ADAMTSL1: variants seen among roughly 807,000 people sequenced by gnomAD.
ADAMTSL1 encodes the protein ADAMTS-like protein 1.
In ADAMTSL1, 126 loss-of-function variants were observed where a neutral mutation model predicts 201.8. The ratio of observed to expected loss-of-function variants is 0.62; its 90% confidence interval spans 0.54 to 0.72. The LOEUF (loss-of-function observed/expected upper bound fraction) is 0.72. ADAMTSL1 is among the 30% of genes least tolerant of loss of function. The pLI is 0.00. For synonymous variants in ADAMTSL1, 1,121 were observed against 903.4 expected (o/e 1.24, Z -4.32); for missense variants, 2,679 against 2,277.8 (o/e 1.18, Z -3.59).
intron 23 of ADAMTSL1, among the ~76,000 whole-genome samples, chr9:18,867,534 C>T (rs1297345811): frequency 2.0e-5 from 3 of 152,200 alleles, no homozygotes; most frequent in Admixed American, 6.5e-5. Flanking sequence ...CTAATCACCA[C>T]CTTCTGCCAT....
chr9:18,662,140 A>G, intron 9 of ADAMTSL1, 67 bp downstream of exon 9: 1 of 1,541,318 alleles, frequency 6.5e-7, no homozygotes, highest in Non-Finnish European at 8.8e-7. Flanking sequence ...TATTTAAATT[A>G]AAATGAAACG....
At chr9:18,458,312 C>T (rs1185041459) in intron 2 of ADAMTSL1, among the ~76,000 whole-genome samples, 1 of 152,124 alleles carries the variant, frequency 6.6e-6, no homozygotes, top group African/African-American at 2.4e-5. Flanking sequence ...AAAGTTTCAC[C>T]AAACAATACA....
At chr9:18,511,369 A>G (rs544664726) in intron 2 of ADAMTSL1, among the ~76,000 whole-genome samples, 14 of 151,948 alleles carry the variant, frequency 9.2e-5, no homozygotes, top group African/African-American at 2.9e-4. Flanking sequence ...ATCTATCCAA[A>G]TAGCAAAAAA....
At chr9:18,154,667 C>T (rs549483668) in intron 1 of ADAMTSL1, among the ~76,000 whole-genome samples, 8 of 152,090 alleles carry the variant, frequency 5.3e-5, no homozygotes, top group African/African-American at 1.7e-4. Context: ...TCTCTTCCCC[C>T]GAGGAATACA....
intron 1 of ADAMTSL1, among the ~76,000 whole-genome samples, chr9:18,125,330 A>G (rs1258336394): frequency 2.6e-5 from 4 of 152,064 alleles, no homozygotes; most frequent in Admixed American, 6.5e-5. Context: ...CCACCCCCAT[A>G]ATTCAATCAC....
intron 2 of ADAMTSL1, among the ~76,000 whole-genome samples, chr9:18,224,279 C>CT (rs1830365216): frequency 6.6e-6 from 1 of 152,148 alleles, no homozygotes; most frequent in Non-Finnish European, 1.5e-5. Context: ...CTGGTCTCTG[C>CT]TTTCAAGATG....
intron 1 of ADAMTSL1, among the ~76,000 whole-genome samples, chr9:17,972,491 A>G (rs1818250122): frequency 6.6e-6 from 1 of 151,180 alleles, no homozygotes; most frequent in Non-Finnish European, 1.5e-5. Context: ...AAGGACATGA[A>G]CTCATCATTT....
intron 15 of ADAMTSL1, among the ~76,000 whole-genome samples, chr9:18,735,755 T>A (rs1259965137): frequency 6.8e-6 from 1 of 148,042 alleles, no homozygotes; most frequent in Non-Finnish European, 1.5e-5. Context: ...TTTCTTTTTT[T>A]TTTTTTTTTT....
At chr9:18,895,949 A>T (rs528089939) in intron 26 of ADAMTSL1, among the ~76,000 whole-genome samples, 20 of 152,344 alleles carry the variant, frequency 1.3e-4, no homozygotes, top group African/African-American at 4.8e-4. Context: ...GGGAGCTGAA[A>T]GTACTAGAAC....
intron 2 of ADAMTSL1, among the ~76,000 whole-genome samples, chr9:18,300,089 GACT>G (rs1833642146): frequency 6.6e-6 from 1 of 152,178 alleles, no homozygotes; most frequent in Non-Finnish European, 1.5e-5. Flanking sequence ...AATACCATTT[GACT>G]CAGCAATCCC....
intron 2 of ADAMTSL1, among the ~76,000 whole-genome samples, chr9:18,402,396 T>C (rs1818020013): frequency 6.6e-6 from 1 of 152,234 alleles, no homozygotes; most frequent in African/African-American, 2.4e-5. Flanking sequence ...CTTTAAATGA[T>C]GAATTAAAGC....
At chr9:18,359,149 A>G (rs1029309387) in intron 2 of ADAMTSL1, among the ~76,000 whole-genome samples, 4 of 152,198 alleles carry the variant, frequency 2.6e-5, no homozygotes, top group African/African-American at 9.6e-5. Flanking sequence ...ATATGCATGC[A>G]CATGCTGGGC....
chr9:18,115,141 A>G (rs536383155), intron 1 of ADAMTSL1, among the ~76,000 whole-genome samples: 2 of 152,318 alleles, frequency 1.3e-5, no homozygotes, highest in South Asian at 4.1e-4. Context: ...ACAGATTTCC[A>G]TCAATTCAAA....
intron 22 of ADAMTSL1, among the ~76,000 whole-genome samples, chr9:18,827,176 A>AT (rs1824629475): frequency 6.7e-6 from 1 of 149,818 alleles, no homozygotes; most frequent in African/African-American, 2.5e-5. Flanking sequence ...AAAAAAAAAA[A>AT]ATTTTTTTTG....
chr9:18,038,568 GC>G (rs1821303062), intron 1 of ADAMTSL1, among the ~76,000 whole-genome samples: 1 of 152,108 alleles, frequency 6.6e-6, no homozygotes, highest in African/African-American at 2.4e-5. Context: ...CTGCTATTTT[GC>G]CTAAAGGATT....
At chr9:18,439,567 A>G (rs374093631) in intron 2 of ADAMTSL1, among the ~76,000 whole-genome samples, 1 of 152,158 alleles carries the variant, frequency 6.6e-6, no homozygotes, top group Non-Finnish European at 1.5e-5. Context: ...GGATTTCACC[A>G]TGTTCGCCAG....
intron 1 of ADAMTSL1, among the ~76,000 whole-genome samples, chr9:17,989,313 AT>A (rs1303416928): frequency 3.0e-5 from 4 of 132,360 alleles, no homozygotes; most frequent in African/African-American, 1.7e-4. Context: ...TTGTAACTTT[AT>A]TTATTTAATA....
At chr9:18,312,545 C>T (rs537208313) in intron 2 of ADAMTSL1, among the ~76,000 whole-genome samples, 7 of 152,278 alleles carry the variant, frequency 4.6e-5, no homozygotes, top group African/African-American at 1.7e-4. Context: ...CATAACTTCA[C>T]CTGAGGTAGC....
At chr9:18,022,652 G>C (rs944931498) in intron 1 of ADAMTSL1, among the ~76,000 whole-genome samples, 1 of 152,026 alleles carries the variant, frequency 6.6e-6, no homozygotes, top group Non-Finnish European at 1.5e-5. Context: ...TATGGAAACA[G>C]TCTTTACTAA....
Sources: allele counts gnomAD v4.1 joint callset (sites outside exome capture counted in the v4.1 genomes callset), GRCh38; gene constraint gnomAD v4.1.1; transcripts MANE v1.5; gene names NCBI Gene and HGNC (gene_info 2026-07-23, HGNC 2026-07-21).